The following ZFAND3 variants were observed in gnomAD, a reference collection of about 807,000 sequenced individuals.
The protein encoded by ZFAND3 is AN1-type zinc finger protein 3.
A neutral mutation model predicts 29.6 loss-of-function variants in ZFAND3; 10 were observed. That is an observed-to-expected ratio of 0.34 (90% confidence interval 0.21 to 0.57). The LOEUF (loss-of-function observed/expected upper bound fraction) is 0.57. Ranked by LOEUF, ZFAND3 falls within the 20% of genes least tolerant of loss-of-function variation. The pLI is 0.86. For missense variants in ZFAND3, 230 were observed against 304.5 expected (o/e 0.76, Z 1.82); for synonymous variants, 128 against 112.6 (o/e 1.14, Z -0.87).
chr6:37,915,434 T>C (rs1761229151), intron 1 of ZFAND3: 1 of 152,260 alleles, frequency 6.6e-6, no homozygotes, highest in Admixed American at 6.5e-5. Context: ...CATGCCTTTC[T>C]CACTAAGCTT....
chr6:38,010,997 G>A (rs1763141313), intron 2 of ZFAND3, among the ~76,000 whole-genome samples: 1 of 150,734 alleles, frequency 6.6e-6, no homozygotes, highest in Admixed American at 6.6e-5. Flanking sequence ...TCGCACCTCA[G>A]CGTCTCAAGT....
chr6:37,972,421 T>C (rs984064065), intron 2 of ZFAND3, among the ~76,000 whole-genome samples: 2 of 62,670 alleles, frequency 3.2e-5, no homozygotes, highest in Non-Finnish European at 7.4e-5. Context: ...CCTCCAGATA[T>C]AATATTCACA....
intron 1 of ZFAND3, among the ~76,000 whole-genome samples, chr6:37,844,358 T>C (rs1484204793): frequency 6.6e-6 from 1 of 152,122 alleles, no homozygotes; most frequent in Non-Finnish European, 1.5e-5. Context: ...CTTGGCTCAC[T>C]GCAAGCTCCA....
intron 1 of ZFAND3, among the ~76,000 whole-genome samples, chr6:37,917,186 G>C (rs893800374): frequency 5.3e-5 from 8 of 152,108 alleles, no homozygotes; most frequent in African/African-American, 1.9e-4. Context: ...GCTTCTGCTG[G>C]GAGTCTTGAA....
In ZFAND3 at chr6:38,061,573, C is replaced by T; in HGVS notation, c.113-20C>T. The T allele has an allele frequency of 6.2e-6, 10 of 1,613,570 alleles. No individual in the cohort carries two copies. Among genetic ancestry groups the T allele is most frequent in the African/African-American group, 1.3e-5 (1 of 74,992 alleles). On this transcript the variant is annotated intron_variant, in intron 2 of 5. Transcript: ENST00000287218. ...AGACTGTGAACTCCTTAATTAAGCT[C>T]GTTTTCTATTTTTCTTCAGATTTTC...
chr6:37,826,315 C>G (rs1391066436), intron 1 of ZFAND3, among the ~76,000 whole-genome samples: 2 of 152,140 alleles, frequency 1.3e-5, no homozygotes, highest in Admixed American at 6.6e-5. Context: ...TGATGTTACT[C>G]AATTTTTCTA....
intron 5 of ZFAND3, among the ~76,000 whole-genome samples, chr6:38,120,112 G>C (rs953595411): frequency 3.3e-5 from 5 of 152,088 alleles, no homozygotes; most frequent in Non-Finnish European, 7.4e-5. Flanking sequence ...GAAAACAGTT[G>C]CCTGAAAATG....
At chr6:38,136,810 GT>G (rs1765850551) in intron 5 of ZFAND3, among the ~76,000 whole-genome samples, 1 of 152,236 alleles carries the variant, frequency 6.6e-6, no homozygotes, top group Admixed American at 6.5e-5. Context: ...GCACCGTGTA[GT>G]TTGTGCATCC....
chr6:37,955,168 T>TGC (rs556915836), intron 2 of ZFAND3, among the ~76,000 whole-genome samples: 8,369 of 151,528 alleles, frequency 0.055, 324 homozygotes, highest in Middle Eastern at 0.088. Flanking sequence ...TGTGTGTGTG[T>TGC]GTGTCTCTAA....
chr6:38,103,232 A>G (rs75870144), intron 4 of ZFAND3, among the ~76,000 whole-genome samples: 2,273 of 152,196 alleles, frequency 0.015, 54 homozygotes, highest in African/African-American at 0.052. Context: ...GTTATGAGAA[A>G]AAAAGTTGGC....
chr6:38,114,731 T>C (rs1765384606), intron 4 of ZFAND3, among the ~76,000 whole-genome samples: 1 of 152,154 alleles, frequency 6.6e-6, no homozygotes, highest in Non-Finnish European at 1.5e-5. Flanking sequence ...GGAAAGGGCA[T>C]ACAGACAGCC....
intron 1 of ZFAND3, among the ~76,000 whole-genome samples, chr6:37,860,038 ATTTTTTTTTT>A (rs367545879): frequency 7.5e-6 from 1 of 134,186 alleles, no homozygotes; most frequent in African/African-American, 2.8e-5. Context: ...CGCCCAGCTA[ATTTTTTTTTT>A]TTTTTTGTAT....
chr6:37,918,528 C>T (rs1319753590), intron 1 of ZFAND3, among the ~76,000 whole-genome samples: 1 of 152,096 alleles, frequency 6.6e-6, no homozygotes, highest in Non-Finnish European at 1.5e-5. Context: ...CATTTTCTGA[C>T]AAGGAAAGAT....
chr6:38,083,772 C>T (rs763505069), intron 4 of ZFAND3, among the ~76,000 whole-genome samples: 3 of 152,088 alleles, frequency 2.0e-5, no homozygotes, highest in Non-Finnish European at 4.4e-5. Flanking sequence ...GACTCATGTA[C>T]TCAGATGCTG....
intron 2 of ZFAND3, among the ~76,000 whole-genome samples, chr6:37,977,833 TTCCTTCCTTCCTTC>T (rs1561953800): frequency 0.013 from 1,830 of 135,666 alleles, 91 homozygotes; most frequent in African/African-American, 0.048. Flanking sequence ...ATGCTTTTCC[TTCCTTCCTTCCTTC>T]CTTCCTTCCT....
intron 2 of ZFAND3, among the ~76,000 whole-genome samples, chr6:37,944,598 T>C (rs1761868783): frequency 6.6e-6 from 1 of 152,256 alleles, no homozygotes; most frequent in Admixed American, 6.5e-5. Flanking sequence ...GGTTTTTCTT[T>C]TGTGATGACT....
chr6:37,907,891 T>C (rs1023478796), intron 1 of ZFAND3, among the ~76,000 whole-genome samples: 6 of 152,224 alleles, frequency 3.9e-5, no homozygotes, highest in East Asian at 1.9e-4. Flanking sequence ...TTATCTCTTA[T>C]GTATTTCAGC....
intron 2 of ZFAND3, among the ~76,000 whole-genome samples, chr6:37,977,551 C>T (rs976175860): frequency 3.9e-5 from 6 of 152,078 alleles, no homozygotes; most frequent in African/African-American, 1.4e-4. Flanking sequence ...GATCCGCATG[C>T]CTCAGCCTCC....
chr6:37,991,068 G>T (rs1762750492), intron 2 of ZFAND3, among the ~76,000 whole-genome samples: 1 of 151,666 alleles, frequency 6.6e-6, no homozygotes, highest in African/African-American at 2.4e-5. Flanking sequence ...TCCTTTGAAA[G>T]ATCTCTTTTT....
Sources: gnomAD v4.1 joint callset for allele counts (sites outside exome capture counted in the v4.1 genomes callset) on GRCh38, gnomAD v4.1.1 for gene constraint, MANE v1.5 for transcripts, NCBI Gene and HGNC (gene_info 2026-07-23, HGNC 2026-07-21) for gene names.